The following TRPM3 variants were observed in gnomAD, a reference collection of about 807,000 sequenced individuals.
TRPM3 encodes the protein transient receptor potential cation channel subfamily M member 3.
TRPM3 carries 77 observed loss-of-function variants against 181.2 expected under a neutral mutation model. The ratio of observed to expected loss-of-function variants is 0.42; its 90% CI spans 0.35 to 0.51. The LOEUF (loss-of-function observed/expected upper bound fraction) is 0.51, where lower values mean the gene tolerates loss of function less well. TRPM3 is among the 20% of genes least tolerant of loss of function. The pLI, the probability that TRPM3 is intolerant of heterozygous loss-of-function variation, is 0.01. For missense variants in TRPM3, 1,759 were observed against 2,196.7 expected, an observed-to-expected ratio of 0.80 and a Z score of 3.98; for synonymous variants, 745 against 796.4, an observed-to-expected ratio of 0.94 and a Z score of 1.09.
chr9:71,179,058 A>ATATAATTCCCTATAAATCAAT (rs2077257033), intron 1 of TRPM3, among the ~76,000 whole-genome samples: 1 of 152,186 alleles, frequency 6.6e-6, no homozygotes, highest in African/African-American at 2.4e-5. Flanking sequence ...TTTATAGGGA[A>ATATAATTCCCTATAAATCAAT]TATTCAGAAG....
At chr9:71,175,032 A>G (rs553884511) in intron 1 of TRPM3, among the ~76,000 whole-genome samples, 1 of 152,290 alleles carries the variant, frequency 6.6e-6, no homozygotes, top group Admixed American at 6.5e-5. Flanking sequence ...TCATGGAGGC[A>G]TGACGTGTAG....
At chr9:71,420,727 G>GAGAGAGAGAAAGAGAA (rs2093725330) in intron 1 of TRPM3, among the ~76,000 whole-genome samples, 1 of 45,310 alleles carries the variant, frequency 2.2e-5, no homozygotes, top group African/African-American at 1.0e-4. Context: ...GAGAAAGAGA[G>GAGAGAGAGAAAGAGAA]AGAGAGAGAA....
intron 1 of TRPM3, among the ~76,000 whole-genome samples, chr9:70,873,561 A>C (rs1434694813): frequency 2.6e-5 from 4 of 152,074 alleles, no homozygotes; most frequent in Admixed American, 2.6e-4. Context: ...CAAACTCTGA[A>C]TATGTTGTCC....
At chr9:70,846,943 T>C (rs2094985044) in intron 3 of TRPM3, among the ~76,000 whole-genome samples, 1 of 152,252 alleles carries the variant, frequency 6.6e-6, no homozygotes, top group Non-Finnish European at 1.5e-5. Context: ...CTAATATTTT[T>C]CATATCTCTT....
intron 1 of TRPM3, among the ~76,000 whole-genome samples, chr9:71,344,050 T>TAGATTAGATTAGATA (rs1554880746): frequency 2.0e-5 from 3 of 149,360 alleles, no homozygotes; most frequent in Admixed American, 1.3e-4. Context: ...TAGATTAGAT[T>TAGATTAGATTAGATA]GATAGATAGA....
intron 1 of TRPM3, among the ~76,000 whole-genome samples, chr9:71,323,034 T>A: frequency 6.6e-6 from 1 of 152,170 alleles, no homozygotes; most frequent in East Asian, 1.9e-4. Flanking sequence ...GATAATACAT[T>A]CTAAATGTCA....
At chr9:70,575,107 T>C (rs2053580348) in intron 22 of TRPM3, among the ~76,000 whole-genome samples, 1 of 98,988 alleles carries the variant, frequency 1.0e-5, no homozygotes, top group Non-Finnish European at 2.3e-5. Flanking sequence ...ACATCCCGCA[T>C]AATTTTTTTT....
chr9:70,817,185 T>C (rs552865324), intron 6 of TRPM3, among the ~76,000 whole-genome samples: 2 of 152,330 alleles, frequency 1.3e-5, no homozygotes, highest in Admixed American at 1.3e-4. Context: ...ATATTTCTAA[T>C]CACCTTTTAG....
intron 1 of TRPM3, among the ~76,000 whole-genome samples, chr9:71,212,705 T>C (rs1291356837): frequency 6.6e-6 from 1 of 152,146 alleles, no homozygotes; most frequent in African/African-American, 2.4e-5. Context: ...AAAACATGAA[T>C]GTACATCAGG....
chr9:70,909,905 T>C (rs1054287239), intron 1 of TRPM3, among the ~76,000 whole-genome samples: 1 of 152,128 alleles, frequency 6.6e-6, no homozygotes, highest in South Asian at 2.1e-4. Context: ...ACTGACAATA[T>C]GAAGTATTGA....
At chr9:70,576,614 A>C (rs1308720650) in intron 22 of TRPM3, among the ~76,000 whole-genome samples, 3 of 151,028 alleles carry the variant, frequency 2.0e-5, no homozygotes, top group Admixed American at 2.0e-4. Context: ...TCCTGGATTC[A>C]AGTGGTTTTC....
chr9:70,606,647 G>GTATATA (rs1358278678), intron 19 of TRPM3, among the ~76,000 whole-genome samples: 3 of 85,324 alleles, frequency 3.5e-5, no homozygotes, highest in African/African-American at 1.0e-4. Flanking sequence ...GTGTGTGTGT[G>GTATATA]TGTGTATATA....
intron 25 of TRPM3, among the ~76,000 whole-genome samples, chr9:70,541,013 T>C (rs947181320): frequency 6.6e-5 from 10 of 151,870 alleles, no homozygotes; most frequent in Non-Finnish European, 1.0e-4. Context: ...CAGGCAGGAG[T>C]CACTGCACTC....
intron 7 of TRPM3, chr9:70,776,399 G>A (rs996267971): frequency 1.6e-5 from 11 of 701,742 alleles, no homozygotes; most frequent in Middle Eastern, 2.3e-4. Flanking sequence ...ACCGTCATTC[G>A]CCATCAACTA....
intron 1 of TRPM3, among the ~76,000 whole-genome samples, chr9:71,406,896 T>C (rs1215063463): frequency 2.6e-5 from 4 of 152,084 alleles, no homozygotes; most frequent in Admixed American, 1.3e-4. Flanking sequence ...TCAGGCTTAA[T>C]ATGGGGAATT....
rs372170889 is a variant in TRPM3, at chr9:71,366,504, A to G, written c.183+80149T>C. ...AGGGTAGGAGAGAGAGGAAAATATG[A>G]GTCTCCACACCTAAGCTACCTACAG... On this transcript the variant is annotated intron_variant, in intron 1 of 24. Coordinates refer to the TRPM3 transcript ENST00000357533. 1.2e-4 allele frequency among the ~76,000 whole-genome samples: 19 copies of G among 152,188 alleles called. No homozygotes were observed. The South Asian group carries it at 3.7e-3, about 30-fold the overall frequency.
chr9:71,436,048 C>T (rs12685720), intron 1 of TRPM3, among the ~76,000 whole-genome samples: 17,625 of 152,072 alleles, frequency 0.12, 1,545 homozygotes, highest in East Asian at 0.23. Context: ...AGGGATCCAG[C>T]GGGAGATAAT....
rs1352658874 is a variant in TRPM3, at chr9:71,333,357, T to A, written c.183+113296A>T. ...TTCATGCCCTTGGATAATCCTCTCC[T>A]ATTGAGTGTGGGTTGAACATAGAGA... On this transcript the variant is annotated intron_variant, in intron 1 of 24. Transcript: ENST00000357533. Among the ~76,000 whole-genome samples, 4 of 151,964 alleles carry A rather than the reference T, an allele frequency of 2.6e-5. 1 individual carries two copies. The highest frequency in any genetic ancestry group is 2.6e-4 in the Admixed American group (4 of 15,272).
intron 1 of TRPM3, among the ~76,000 whole-genome samples, chr9:71,202,694 G>A (rs759086834): frequency 9.2e-5 from 14 of 152,240 alleles, no homozygotes; most frequent in South Asian, 4.2e-4. Context: ...ACATTTTAGC[G>A]CAGCATAGTT....
Sources: allele counts gnomAD v4.1 joint callset (sites outside exome capture counted in the v4.1 genomes callset), GRCh38; gene constraint gnomAD v4.1.1; transcripts MANE v1.5; gene names NCBI Gene and HGNC (gene_info 2026-07-23, HGNC 2026-07-21).